Variants in MOB3B observed in about 807,000 individuals in gnomAD.
MOB3B encodes the protein MOB kinase activator-like 2B.
In MOB3B, 7 loss-of-function variants were observed where a neutral mutation model predicts 18.7. The ratio of observed to expected loss-of-function variants is 0.37; its 90% CI spans 0.21 to 0.70. The LOEUF (loss-of-function observed/expected upper bound fraction) is 0.70, where lower values mean the gene tolerates loss of function less well. Among genes scored for constraint, MOB3B ranks in the 30% least tolerant of loss-of-function variants. MOB3B has a pLI of 0.52. For missense variants in MOB3B, 253 were observed against 281.3 expected (o/e 0.90, Z 0.72); for synonymous variants, 111 against 99.9 (o/e 1.11, Z -0.66).
At chr9:27,419,740 C>G (rs914956214) in intron 2 of MOB3B, among the ~76,000 whole-genome samples, 1 of 152,132 alleles carries the variant, frequency 6.6e-6, no homozygotes, top group Non-Finnish European at 1.5e-5. Flanking sequence ...TAGCCATTGG[C>G]TTAGGCAAGA....
intron 2 of MOB3B, among the ~76,000 whole-genome samples, chr9:27,387,222 C>T (rs2131378822): frequency 6.6e-6 from 1 of 152,224 alleles, no homozygotes; most frequent in East Asian, 1.9e-4. Context: ...ATCATGATTT[C>T]TAAAATTCTG....
At chr9:27,337,326 T>G (rs1040243239) in intron 3 of MOB3B, among the ~76,000 whole-genome samples, 6 of 152,230 alleles carry the variant, frequency 3.9e-5, no homozygotes, top group Admixed American at 3.3e-4. Context: ...ATTTCATTAG[T>G]TTCTTCTGTG....
chr9:27,378,699 C>T (rs1470780097), intron 2 of MOB3B: 2 of 471,018 alleles, frequency 4.2e-6, no homozygotes, highest in Non-Finnish European at 8.8e-6. Flanking sequence ...TCCTGTGCAT[C>T]TTTGAGTATT....
intron 1 of MOB3B, chr9:27,525,871 T>C (rs988628085): frequency 2.6e-5 from 4 of 152,250 alleles, no homozygotes; most frequent in African/African-American, 7.2e-5. Context: ...ATATCTTTTA[T>C]CTTTTTAAAA....
intron 3 of MOB3B, among the ~76,000 whole-genome samples, chr9:27,341,982 AAAAG>A (rs1303080986): frequency 5.3e-4 from 80 of 152,332 alleles, no homozygotes; most frequent in African/African-American, 1.8e-3. Context: ...GATAGTTGAA[AAAAG>A]AAAGAATATT....
chr9:27,401,819 A>G (rs1297180953), intron 2 of MOB3B, among the ~76,000 whole-genome samples: 2 of 152,256 alleles, frequency 1.3e-5, no homozygotes, highest in African/African-American at 4.8e-5. Flanking sequence ...TCTGTCTCCT[A>G]TCTGAAATCA....
intron 3 of MOB3B, among the ~76,000 whole-genome samples, chr9:27,333,222 G>C (rs1344373549): frequency 6.6e-6 from 1 of 152,136 alleles, no homozygotes; most frequent in African/African-American, 2.4e-5. Context: ...AATTCATAAA[G>C]GGAATGTATG....
rs906588191 is a variant in MOB3B, at chr9:27,358,516, A to G, written c.621+518T>C. ...CATGGAAAACTCAATGTGAAAAGCA[A>G]AGTCCCTATGAGACTGTATCCTTAT... On this transcript the variant is annotated intron_variant, in intron 3 of 3. Coordinates refer to ENST00000262244, the MANE Select transcript of MOB3B (RefSeq NM_024761.5). Among the ~76,000 whole-genome samples, 5 of 152,340 alleles carry G rather than the reference A, an allele frequency of 3.3e-5. 1 individual carries two copies. The highest frequency in any genetic ancestry group is 3.3e-4 in the Admixed American group (5 of 15,302).
intron 1 of MOB3B, among the ~76,000 whole-genome samples, chr9:27,464,805 C>T (rs1174639131): frequency 2.6e-5 from 4 of 151,610 alleles, no homozygotes; most frequent in Non-Finnish European, 5.9e-5. Context: ...GAGGAAGAAG[C>T]AAAAAAAGAG....
chr9:27,460,190 G>A (rs1019977285), intron 1 of MOB3B, among the ~76,000 whole-genome samples: 1 of 152,204 alleles, frequency 6.6e-6, no homozygotes, highest in Non-Finnish European at 1.5e-5. Flanking sequence ...CATGCATACT[G>A]ATGTGACTCC....
chr9:27,387,560 T>C (rs930650695), intron 2 of MOB3B, among the ~76,000 whole-genome samples: 3 of 152,250 alleles, frequency 2.0e-5, no homozygotes, highest in African/African-American at 7.2e-5. Flanking sequence ...CAAATTCCTA[T>C]ATAAATGTTA....
chr9:27,399,278 G>A (rs190821724), intron 2 of MOB3B, among the ~76,000 whole-genome samples: 84 of 152,320 alleles, frequency 5.5e-4, no homozygotes, highest in African/African-American at 2.0e-3. Context: ...ACAGGAGGAA[G>A]GCTATGCCTC....
At chr9:27,439,632 T>C (rs1822564557) in intron 2 of MOB3B, among the ~76,000 whole-genome samples, 1 of 152,344 alleles carries the variant, frequency 6.6e-6, no homozygotes, top group Non-Finnish European at 1.5e-5. Flanking sequence ...AGGGACCTCA[T>C]GCTTTGGTGT....
chr9:27,357,428 C>T (rs999648526), intron 3 of MOB3B, among the ~76,000 whole-genome samples: 2 of 151,710 alleles, frequency 1.3e-5, no homozygotes, highest in African/African-American at 4.8e-5. Flanking sequence ...TCCTGCAGAG[C>T]CTGCACCCCA....
chr9:27,511,697 T>A (rs764295780), intron 1 of MOB3B, among the ~76,000 whole-genome samples: 23 of 152,304 alleles, frequency 1.5e-4, no homozygotes, highest in Admixed American at 2.6e-4. Context: ...AGAAAAGAAA[T>A]CACTAGAAAG....
chr9:27,425,385 A>AACAAAAC (rs1563865607), intron 2 of MOB3B, among the ~76,000 whole-genome samples: 2 of 145,162 alleles, frequency 1.4e-5, no homozygotes, highest in African/African-American at 5.1e-5. Context: ...AAAAAAAAAA[A>AACAAAAC]AAAACAAAAC....
At chr9:27,467,672 G>A (rs10757663) in intron 1 of MOB3B, among the ~76,000 whole-genome samples, 122,501 of 152,228 alleles carry the variant, frequency 0.8, 50,002 homozygotes, top group African/African-American at 0.86. Flanking sequence ...GATTCACTTA[G>A]TTGGCAAACC....
At chr9:27,386,864 G>A (rs1821656800) in intron 2 of MOB3B, among the ~76,000 whole-genome samples, 1 of 152,172 alleles carries the variant, frequency 6.6e-6, no homozygotes, top group Admixed American at 6.5e-5. Flanking sequence ...CTTGCTCCTG[G>A]AGGAGTTTCT....
chr9:27,455,414 G>C lies in MOB3B; in HGVS notation c.137C>G (p.Ala46Gly). The C allele has an allele frequency of 6.2e-7, 1 of 1,614,160 alleles. No individual in the cohort carries two copies. The highest frequency in any genetic ancestry group is 8.5e-7 in the Non-Finnish European group (1 of 1,180,034). The change falls in exon 2 of 4, where the codon GCG (alanine) becomes GGG (glycine). Residue 46 changes from alanine to glycine, a missense_variant. Ala to Gly is a moderately conservative substitution (Grantham distance 60). Coordinates refer to ENST00000262244, the MANE Select transcript of MOB3B (RefSeq NM_024761.5). ...CTCCCCACTGGGCAACTGCACAGCC[G>C]CCTTCAGGTCCACACCCGAGTTGAG... ...ASLNSGVDLKAAVQLPSGEDQ... is the reference protein window; with the variant it reads ...ASLNSGVDLKGAVQLPSGEDQ...
Sources: allele counts gnomAD v4.1 joint callset (sites outside exome capture counted in the v4.1 genomes callset), GRCh38; gene constraint gnomAD v4.1.1; transcripts MANE v1.5; gene names NCBI Gene and HGNC (gene_info 2026-07-23, HGNC 2026-07-21).